CAMTA1: variants seen among roughly 807,000 people sequenced by gnomAD.
CAMTA1 encodes calmodulin binding transcription activator 1, also known as calmodulin-binding transcription activator 1.
CAMTA1 carries 27 observed loss-of-function variants against 170.9 expected under a neutral mutation model. The ratio of observed to expected loss-of-function variants is 0.16; its 90% CI spans 0.12 to 0.22. The LOEUF (loss-of-function observed/expected upper bound fraction) is 0.22, where lower values mean the gene tolerates loss of function less well. Among genes scored for constraint, CAMTA1 ranks in the 10% least tolerant of loss-of-function variants. The pLI is 1.00. For missense variants in CAMTA1, 1,619 were observed against 2,217.2 expected (o/e 0.73, Z 5.42); for synonymous variants, 833 against 891.5 (o/e 0.93, Z 1.17).
rs370637152 is a variant in CAMTA1 at position 7,258,779 on chromosome 1, T to C, written c.438+9153T>C. 6.7e-4 allele frequency among the ~76,000 whole-genome samples: 102 copies of C among 152,308 alleles called. 2 individuals are homozygous for C. The South Asian group carries it at 0.017, about 25-fold the overall frequency. On this transcript the variant is annotated intron_variant, in intron 5 of 22. Coordinates refer to ENST00000303635, the MANE Select transcript of CAMTA1 (RefSeq NM_015215.4). The stretch of plus-strand genomic sequence containing the variant: ...TTGCTGGGGAAGTTTCCTCCCGTCA[T>C]TGGCGGCTGTGGCTTATGTCCGTGT...
chr1:7,511,989 A>G (rs768691854), intron 6 of CAMTA1, among the ~76,000 whole-genome samples: 30 of 152,212 alleles, frequency 2.0e-4, no homozygotes, highest in Admixed American at 3.3e-4. Context: ...CCACAGGCTT[A>G]TCTGGATAGA....
At chr1:6,821,075 C>T (rs1646433955) in intron 2 of CAMTA1, among the ~76,000 whole-genome samples, 1 of 152,116 alleles carries the variant, frequency 6.6e-6, no homozygotes, top group Non-Finnish European at 1.5e-5. Context: ...TCTGGGCTAC[C>T]TAAAAATAGA....
intron 12 of CAMTA1, among the ~76,000 whole-genome samples, chr1:7,734,330 C>T (rs531802973): frequency 2.6e-5 from 4 of 152,234 alleles, no homozygotes; most frequent in East Asian, 3.9e-4. Flanking sequence ...AAATACTTTT[C>T]CTTTCACCAA....
chr1:7,544,913 G>A (rs1471252103), intron 6 of CAMTA1, among the ~76,000 whole-genome samples: 2 of 152,064 alleles, frequency 1.3e-5, no homozygotes, highest in South Asian at 2.1e-4. Context: ...TTACCCCTTC[G>A]GGAGAGAACT....
At chr1:7,707,879 A>G (rs749591808) in intron 11 of CAMTA1, among the ~76,000 whole-genome samples, 3 of 152,226 alleles carry the variant, frequency 2.0e-5, no homozygotes, top group Admixed American at 6.5e-5. Flanking sequence ...TCAAATGACC[A>G]TCTTTTCTTT....
intron 6 of CAMTA1, among the ~76,000 whole-genome samples, chr1:7,616,767 G>A (rs1054055429): frequency 6.6e-6 from 1 of 152,210 alleles, no homozygotes; most frequent in African/African-American, 2.4e-5. Flanking sequence ...AGTGACAACT[G>A]CAGTGGAAAT....
In CAMTA1 at chr1:7,661,814, C is replaced by G. The variant is rs750692332; in HGVS notation, c.753C>G (p.His251Gln). The G allele has an allele frequency of 6.2e-7, 1 of 1,613,638 alleles. No individual in the cohort carries two copies. The highest frequency in any genetic ancestry group is 8.5e-7 in the Non-Finnish European group (1 of 1,179,970). ...EQLVQQILDSHQTKPQPRTHN... is the reference protein window; with the variant it reads ...EQLVQQILDSQQTKPQPRTHN... ...TGGTGCAGCAGATCCTCGACAGCCA[C>G]CAGACCAAGCCCCAGCCGCGGACCC... Residue 251 changes from histidine (H) to glutamine (Q), a missense_variant, in exon 8 of 23, where the codon CAC becomes CAG. Physicochemically the swap from His to Gln is conservative, Grantham distance 24. Coordinates refer to ENST00000303635, the MANE Select transcript of CAMTA1 (RefSeq NM_015215.4).
chr1:7,080,332 A>G (rs1030109540), intron 3 of CAMTA1, among the ~76,000 whole-genome samples: 1 of 152,188 alleles, frequency 6.6e-6, no homozygotes, highest in Admixed American at 6.5e-5. Context: ...TAGGACATAT[A>G]TTCCTCCAGT....
intron 5 of CAMTA1, among the ~76,000 whole-genome samples, chr1:7,253,404 G>A (rs1666904637): frequency 6.6e-6 from 1 of 152,156 alleles, no homozygotes; most frequent in African/African-American, 2.4e-5. Flanking sequence ...AGCTTGTGGG[G>A]CTGCCTTAGG....
At chr1:7,691,355 C>T (rs1219400066) in intron 11 of CAMTA1, among the ~76,000 whole-genome samples, 2 of 152,098 alleles carry the variant, frequency 1.3e-5, no homozygotes, top group African/African-American at 4.8e-5. Flanking sequence ...GCTGTGTGTG[C>T]CAGGCTTTAT....
At chr1:7,090,400 C>A (rs1300183882) in intron 3 of CAMTA1, among the ~76,000 whole-genome samples, 1 of 152,160 alleles carries the variant, frequency 6.6e-6, no homozygotes, top group Non-Finnish European at 1.5e-5. Context: ...CTGAATTTTC[C>A]TGATAGTCAG....
chr1:6,911,420 G>A (rs920250547), intron 3 of CAMTA1, among the ~76,000 whole-genome samples: 16 of 152,198 alleles, frequency 1.1e-4, no homozygotes, highest in African/African-American at 3.9e-4. Context: ...TCGTCAACAC[G>A]GAGAGAGAGA....
intron 3 of CAMTA1, among the ~76,000 whole-genome samples, chr1:6,975,688 A>C (rs1434439798): frequency 1.3e-5 from 2 of 152,166 alleles, no homozygotes; most frequent in Non-Finnish European, 2.9e-5. Context: ...ACTCATGTAA[A>C]GCCTACAATT....
intron 5 of CAMTA1, among the ~76,000 whole-genome samples, chr1:7,423,112 G>A (rs574208131): frequency 8.5e-5 from 13 of 152,324 alleles, no homozygotes; most frequent in African/African-American, 2.9e-4. Flanking sequence ...GCCCCAGGGC[G>A]AGGCAGCCCT....
intron 4 of CAMTA1, among the ~76,000 whole-genome samples, chr1:7,232,165 G>C (rs1453731064): frequency 6.6e-6 from 1 of 152,204 alleles, no homozygotes; most frequent in African/African-American, 2.4e-5. Flanking sequence ...CTTTGTCTCT[G>C]GCCTGTGTGG....
In CAMTA1 at chr1:7,398,259, C is replaced by T. The variant is rs191946386; in HGVS notation, c.439-69571C>T. On this transcript the variant is annotated intron_variant, in intron 5 of 22. Transcript: ENST00000303635. ...TATATTTGCTTAATATATCTGGGTG[C>T]CCCAATGTTGGGTGCATGTGTATTT... Among the ~76,000 whole-genome samples the T allele has an allele frequency of 1.5e-3, 171 of 116,416 alleles. 1 individual carries two copies. Among genetic ancestry groups the T allele is most frequent in the African/African-American group, 5.0e-3 (158 of 31,676 alleles). The allele number at this position is 116,416 out of a possible 152,430, so 76.4% of individuals were successfully genotyped here. A position where few individuals can be genotyped will look rare whatever the true frequency, so the allele number is the denominator to read the frequency against.
At chr1:6,867,224 T>C (rs536077700) in intron 3 of CAMTA1, among the ~76,000 whole-genome samples, 1 of 152,200 alleles carries the variant, frequency 6.6e-6, no homozygotes, top group Non-Finnish European at 1.5e-5. Flanking sequence ...CTGCCCACCC[T>C]TCTCCTCCTT....
intron 4 of CAMTA1, among the ~76,000 whole-genome samples, chr1:7,155,992 G>A (rs1573517326): frequency 6.6e-6 from 1 of 152,058 alleles, no homozygotes; most frequent in African/African-American, 2.4e-5. Context: ...GTGGCTCACA[G>A]CTGTAATCTC....
chr1:7,221,601 C>G (rs1225285367), intron 4 of CAMTA1, among the ~76,000 whole-genome samples: 1 of 152,022 alleles, frequency 6.6e-6, no homozygotes, highest in African/African-American at 2.4e-5. Flanking sequence ...AAACACCTCT[C>G]CAGGCCCGTG....
Sources: gnomAD v4.1 joint callset for allele counts (sites outside exome capture counted in the v4.1 genomes callset) on GRCh38, gnomAD v4.1.1 for gene constraint, MANE v1.5 for transcripts, NCBI Gene and HGNC (gene_info 2026-07-23, HGNC 2026-07-21) for gene names.